Variants in EHD2 observed in about 807,000 individuals in gnomAD.
EHD2 encodes the protein EH domain-containing protein 2.
EHD2 carries 27 observed loss-of-function variants against 41.0 expected under a neutral mutation model. That is an observed-to-expected ratio of 0.66 (90% confidence interval 0.49 to 0.91). The LOEUF is 0.91. Among genes scored for constraint, EHD2 ranks in the 40% least tolerant of loss-of-function variants. The pLI is 0.00. For synonymous variants in EHD2, 342 were observed against 341.0 expected, an observed-to-expected ratio of 1.00 and a Z score of -0.03; for missense variants, 673 against 773.9, an observed-to-expected ratio of 0.87 and a Z score of 1.55.
chr19:47,729,804 C>A (rs1028972824), intron 4 of EHD2: 1 of 152,648 alleles, frequency 6.6e-6, no homozygotes, highest in African/African-American at 2.4e-5. Context: ...CCAGGCGGCT[C>A]TGCAGTGTCT....
At chr19:47,715,107 GGAT>G (rs1973612480) in intron 1 of EHD2, among the ~76,000 whole-genome samples, 1 of 151,540 alleles carries the variant, frequency 6.6e-6, no homozygotes, top group South Asian at 2.1e-4. Flanking sequence ...AGCAAAGCAG[GGAT>G]GATAATAGAC....
intron 5 of EHD2, 86 bp downstream of exon 5, chr19:47,736,619 A>G: frequency 7.0e-7 from 1 of 1,431,306 alleles, no homozygotes; most frequent in Non-Finnish European, 9.3e-7. Flanking sequence ...CTCAAAAGCC[A>G]GAGGGATGGA....
intron 4 of EHD2, among the ~76,000 whole-genome samples, chr19:47,729,966 G>T (rs1973791394): frequency 6.6e-6 from 1 of 151,498 alleles, no homozygotes; most frequent in Non-Finnish European, 1.5e-5. Context: ...CCCCCGCTCC[G>T]CCGCCGCCCT....
In EHD2 at chr19:47,741,509, A is replaced by G. The variant is rs1599906885; in HGVS notation, c.*77A>G. ...CACGCACACCCCTGCTCCGGCTCACACACGCCCTGCCTGCCCTCCCTGCCC... is the reference window on the plus strand; with the variant it reads ...CACGCACACCCCTGCTCCGGCTCACGCACGCCCTGCCTGCCCTCCCTGCCC... On this transcript the variant is annotated 3_prime_UTR_variant, in exon 6 of 6. Coordinates refer to ENST00000263277, the MANE Select transcript of EHD2 (RefSeq NM_014601.4). This position sits in a 1 kb window ranked among gnomAD's most constrained non-coding sequence, Gnocchi z 4.5. 6.8e-7 allele frequency: 1 copy of G among 1,461,854 alleles called. No individual in the cohort carries two copies. The highest frequency in any genetic ancestry group is 9.1e-7 in the Non-Finnish European group (1 of 1,096,330). 90.6% of individuals were successfully genotyped at this position (1,461,854 alleles called of 1,614,324 possible). A position where few individuals can be genotyped will look rare whatever the true frequency, so the allele number is the denominator to read the frequency against.
At chr19:47,733,860 C>T (rs1163262415) in intron 4 of EHD2, among the ~76,000 whole-genome samples, 1 of 150,794 alleles carries the variant, frequency 6.6e-6, no homozygotes, top group African/African-American at 2.4e-5. Context: ...TAATTTTGAC[C>T]ACAGGAACCC....
At chr19:47,733,469 C>A (rs1966890129) in intron 4 of EHD2, among the ~76,000 whole-genome samples, 1 of 151,728 alleles carries the variant, frequency 6.6e-6, no homozygotes, top group Non-Finnish European at 1.5e-5. Context: ...GTCAAGAGAT[C>A]GAGACCATCC....
At chr19:47,728,654 C>T (rs1355306666) in intron 4 of EHD2, among the ~76,000 whole-genome samples, 1 of 151,526 alleles carries the variant, frequency 6.6e-6, no homozygotes. Flanking sequence ...CTGCAACCTC[C>T]ACCTCCCGGG....
At chr19:47,725,099 G>A (rs577449464) in intron 3 of EHD2, among the ~76,000 whole-genome samples, 2 of 151,976 alleles carry the variant, frequency 1.3e-5, no homozygotes, top group East Asian at 3.9e-4. Flanking sequence ...AACAGGTCCT[G>A]GGGAGGAGCT....
rs1389515081 is a variant in EHD2, at chr19:47,726,088, A to G, written c.779A>G (p.Gln260Arg). 9 of 1,576,206 alleles carry G rather than the reference A, an allele frequency of 5.7e-6. No individual in the cohort carries two copies. ...LRVYIGSFWS[Q>R]PLLVPDNRRL... The stretch of plus-strand genomic sequence containing the variant: ...GTCTACATCGGCTCCTTCTGGTCCC[A>G]GCCCCTCCTCGTGCCCGACAACCGG... The change falls in exon 4 of 6, where the codon CAG (glutamine) becomes CGG (arginine). Residue 260 changes from glutamine to arginine, a missense_variant. Physicochemically the swap from Gln to Arg is conservative, Grantham distance 43. Coordinates refer to ENST00000263277, the MANE Select transcript of EHD2 (RefSeq NM_014601.4).
In EHD2 at chr19:47,742,357, C is replaced by T. The variant is rs1406453224; in HGVS notation, c.*925C>T. 3 of 201,862 alleles carry T rather than the reference C, an allele frequency of 1.5e-5. No homozygotes were observed. Among genetic ancestry groups the T allele is most frequent in the Non-Finnish European group, 3.0e-5 (3 of 100,362 alleles). The allele number at this position is 201,862 out of a possible 1,614,324, so 12.5% of individuals were successfully genotyped here. A position where few individuals can be genotyped will look rare whatever the true frequency, so the allele number is the denominator to read the frequency against. On this transcript the variant is annotated 3_prime_UTR_variant, in exon 6 of 6. Transcript: ENST00000263277. ...GTGAGATCTCAGCTCACTGCAACCT[C>T]CACCTCCTGGGTTGAAGTGATTCTC... is the stretch of plus-strand genomic sequence containing the variant.
intron 4 of EHD2, among the ~76,000 whole-genome samples, chr19:47,735,154 G>A (rs1342079904): frequency 6.6e-6 from 1 of 152,218 alleles, no homozygotes; most frequent in Non-Finnish European, 1.5e-5. Flanking sequence ...CACAGCTGAG[G>A]GCGACACAGC....
rs1254874219 is a variant in EHD2 at position 47,742,811 on chromosome 19, A to C, written c.*1379A>C. The stretch of plus-strand genomic sequence containing the variant: ...CATTCCATATTTAAGTGGAGCCCCT[A>C]CGTAGAAAGGCCCCGGGGCTTTATT... On this transcript the variant is annotated 3_prime_UTR_variant, in exon 6 of 6. Transcript: ENST00000263277. The C allele has an allele frequency of 6.7e-6, 1 of 149,666 alleles. No individual in the cohort carries two copies. Among genetic ancestry groups the C allele is most frequent in the African/African-American group, 2.5e-5 (1 of 40,258 alleles). 9.3% of individuals were successfully genotyped at this position (149,666 alleles called of 1,614,324 possible).
rs115350882 is a variant in EHD2, at chr19:47,741,851, C to T, written c.*419C>T. The T allele has an allele frequency of 8.3e-3, 3,854 of 465,448 alleles. 131 individuals carry two copies. Among genetic ancestry groups the T allele is most frequent in the African/African-American group, 0.068 (3,419 of 50,578 alleles). 28.8% of individuals were successfully genotyped at this position (465,448 alleles called of 1,614,324 possible). A position where few individuals can be genotyped will look rare whatever the true frequency, so the allele number is the denominator to read the frequency against. The stretch of plus-strand genomic sequence containing the variant: ...CCAGGAGAGGGCACCTACACAGTCA[C>T]GCAAACACACACTAATTCCTGGCAG... On this transcript the variant is annotated 3_prime_UTR_variant, in exon 6 of 6. Coordinates refer to ENST00000263277, the MANE Select transcript of EHD2 (RefSeq NM_014601.4). The surrounding 1 kb of genome is among the most constrained non-coding windows in gnomAD (Gnocchi z 4.5).
chr19:47,734,667 C>T (rs1966903029), intron 4 of EHD2, among the ~76,000 whole-genome samples: 1 of 151,756 alleles, frequency 6.6e-6, no homozygotes, highest in African/African-American at 2.4e-5. Flanking sequence ...ATTGCTTGAA[C>T]CCAGGAAGTG....
In EHD2 at chr19:47,726,098, C is replaced by G; in HGVS notation, c.789C>G (p.Leu263=). ...GCTCCTTCTGGTCCCAGCCCCTCCT[C>G]GTGCCCGACAACCGGCGCCTCTTCG... The part of the protein sequence containing the change: ...YIGSFWSQPL[L]VPDNRRLFEL... The change falls in exon 4 of 6, where the codon CTC becomes CTG. Residue 263 remains leucine (L), a synonymous_variant. Coordinates refer to ENST00000263277, the MANE Select transcript of EHD2 (RefSeq NM_014601.4). 1 of 1,574,672 alleles carries G rather than the reference C, an allele frequency of 6.4e-7. No individual in the cohort carries two copies. Among genetic ancestry groups the G allele is most frequent in the Non-Finnish European group, 8.6e-7 (1 of 1,161,172 alleles).
chr19:47,741,825 C>T lies in EHD2; in HGVS notation c.*393C>T. 6.3e-6 allele frequency: 3 copies of T among 474,680 alleles called. No individual in the cohort carries two copies. The highest frequency in any genetic ancestry group is 4.7e-5 in the Admixed American group (2 of 42,958). The allele number at this position is 474,680 out of a possible 1,614,324, so 29.4% of individuals were successfully genotyped here. A position where few individuals can be genotyped will look rare whatever the true frequency, so the allele number is the denominator to read the frequency against. On this transcript the variant is annotated 3_prime_UTR_variant, in exon 6 of 6. Transcript: ENST00000263277. The surrounding 1 kb of genome is among the most constrained non-coding windows in gnomAD (Gnocchi z 4.5). ...ATCTGCCCTCATGGAAGGTGACGTTCCCAGGAGAGGGCACCTACACAGTCA... is the reference window on the plus strand; with the variant it reads ...ATCTGCCCTCATGGAAGGTGACGTTTCCAGGAGAGGGCACCTACACAGTCA...
Position 47,740,872 on chromosome 19 carries a change from C to T in EHD2, c.1081-9C>T, listed in dbSNP as rs1367663373. On this transcript the variant is annotated splice_polypyrimidine_tract_variant and intron_variant, in intron 5 of 5. Transcript: ENST00000263277. ...CTTGAATTCTGGGTGCCCCTGTCCC[C>T]CACCACAGGAGCTGCTGATGGCGCA... 2 of 1,611,416 alleles carry T rather than the reference C, an allele frequency of 1.2e-6. No individual in the cohort carries two copies. The highest frequency in any genetic ancestry group is 1.7e-6 in the Non-Finnish European group (2 of 1,179,564).
At chr19:47,734,312 G>A (rs922475565) in intron 4 of EHD2, among the ~76,000 whole-genome samples, 1 of 152,018 alleles carries the variant, frequency 6.6e-6, no homozygotes, top group Non-Finnish European at 1.5e-5. Context: ...TCCAGCCTGG[G>A]GGACAGAGCC....
At chr19:47,737,195 T>C (rs940243071) in intron 5 of EHD2, among the ~76,000 whole-genome samples, 25 of 139,326 alleles carry the variant, frequency 1.8e-4, no homozygotes, top group Admixed American at 1.6e-3. Context: ...AGCGCCACTT[T>C]ACTCCGGCCT....
Sources: allele counts gnomAD v4.1 joint callset (sites outside exome capture counted in the v4.1 genomes callset), GRCh38; gene constraint gnomAD v4.1.1; non-coding constraint Gnocchi (gnomAD v3.1); transcripts MANE v1.5; gene names NCBI Gene and HGNC (gene_info 2026-07-23, HGNC 2026-07-21).